RHPN2: variants seen among roughly 807,000 people sequenced by gnomAD.
The protein encoded by RHPN2 is rhophilin-2.
RHPN2 carries 40 observed loss-of-function variants against 79.0 expected under a neutral mutation model. That is an observed-to-expected ratio of 0.51 (90% CI 0.39 to 0.66). The LOEUF (loss-of-function observed/expected upper bound fraction) is 0.66, where lower values mean the gene tolerates loss of function less well. Ranked by LOEUF, RHPN2 falls within the 30% of genes least tolerant of loss-of-function variation. The pLI, the probability that RHPN2 is intolerant of heterozygous loss-of-function variation, is 0.00. For missense variants in RHPN2, 686 were observed against 883.5 expected, an observed-to-expected ratio of 0.78 and a Z score of 2.83; for synonymous variants, 285 against 363.5, an observed-to-expected ratio of 0.78 and a Z score of 2.46.
chr19:33,044,421 G>A (rs1972125918), intron 1 of RHPN2, 57 bp from the exon 2 acceptor site: 1 of 1,070,224 alleles, frequency 9.3e-7, no homozygotes. Context: ...AATGATGACA[G>A]GGTTTAATAT....
chr19:33,047,252 T>A (rs540053081), intron 1 of RHPN2, among the ~76,000 whole-genome samples: 1 of 152,356 alleles, frequency 6.6e-6, no homozygotes, highest in Admixed American at 6.5e-5. Context: ...CAAAAATAGA[T>A]AGCTCATTCT....
At chr19:33,064,417 G>T (rs990991292) in intron 1 of RHPN2, among the ~76,000 whole-genome samples, 5 of 151,978 alleles carry the variant, frequency 3.3e-5, no homozygotes, top group Non-Finnish European at 7.4e-5. Flanking sequence ...GAGGCCAAGG[G>T]CGCCAGCGCA....
chr19:33,064,801 C>A lies in RHPN2; in HGVS notation c.52G>T (p.Asp18Tyr). The A allele has an allele frequency of 1.3e-6, 2 of 1,483,486 alleles. No homozygotes were observed. The highest frequency in any genetic ancestry group is 1.2e-5 in the South Asian group (1 of 81,942). The allele number at this position is 1,483,486 out of a possible 1,614,324, so 91.9% of individuals were successfully genotyped here. The change falls in exon 1 of 15, where the codon GAC becomes TAC. Residue 18 changes from aspartate to tyrosine, a missense_variant. Asp to Tyr is a radical substitution (Grantham distance 160, BLOSUM62 -3). Coordinates refer to ENST00000254260, the MANE Select transcript of RHPN2 (RefSeq NM_033103.5). ...AAPQPLEKEN[D>Y]GYFRKGCNPL... ...CCGCCCACCTTCCGAAAGTAGCCGTCGTTCTCCTTCTCCAGCGGCTGGGGG... is the reference window on the plus strand; with the variant it reads ...CCGCCCACCTTCCGAAAGTAGCCGTAGTTCTCCTTCTCCAGCGGCTGGGGG...
At position 33,012,527 on chromosome 19, in the gene RHPN2, C is replaced by T. The variant is rs962171778; in HGVS notation, c.468+120G>A. On this transcript the variant is annotated intron_variant, in intron 5 of 14. Coordinates refer to ENST00000254260, the MANE Select transcript of RHPN2 (RefSeq NM_033103.5). ...GCAAGTGGAATGGATGATTCCAGCA[C>T]CCCCCAACCATCACCTCTATCCACC... 5.2e-6 allele frequency: 4 copies of T among 772,258 alleles called. No homozygotes were observed. In the East Asian group the frequency reaches 7.4e-5, roughly 14 times the overall value. 47.8% of individuals were successfully genotyped at this position (772,258 alleles called of 1,614,324 possible).
At chr19:33,005,034 A>C (rs1372986466) in intron 7 of RHPN2, among the ~76,000 whole-genome samples, 1 of 151,468 alleles carries the variant, frequency 6.6e-6, no homozygotes, top group Non-Finnish European at 1.5e-5. Flanking sequence ...GGCAGGCAGA[A>C]GGACTAAGGG....
chr19:33,020,374 G>A (rs190688886), intron 4 of RHPN2, among the ~76,000 whole-genome samples: 2 of 148,292 alleles, frequency 1.3e-5, no homozygotes, highest in East Asian at 2.0e-4. Context: ...TGCCCAGGCT[G>A]GAGTGCAGTG....
At position 33,055,743 on chromosome 19, in the gene RHPN2, A is replaced by AC. The variant is rs987250875; in HGVS notation, c.69+9040_69+9041insG. ...AAGGAGCTTCTGGGTTAAAAAAAAA[A>AC]AAAAACAACAACAAACAAAAATTCT... On this transcript the variant is annotated intron_variant, in intron 1 of 14. Transcript: ENST00000254260. Among the ~76,000 whole-genome samples, 16 of 147,728 alleles carry AC rather than the reference A, an allele frequency of 1.1e-4. No individual in the cohort carries two copies. In the East Asian group the frequency reaches 2.2e-3, roughly 20 times the overall value.
chr19:33,040,833 A>G (rs1222041181), intron 2 of RHPN2, among the ~76,000 whole-genome samples: 1 of 152,074 alleles, frequency 6.6e-6, no homozygotes, highest in African/African-American at 2.4e-5. Context: ...ACATGCCTAT[A>G]ATCCCAGCTA....
intron 6 of RHPN2, among the ~76,000 whole-genome samples, chr19:33,010,030 C>T (rs1388579150): frequency 3.9e-5 from 6 of 151,978 alleles, no homozygotes; most frequent in African/African-American, 1.4e-4. Flanking sequence ...CCACCCACCT[C>T]GGCCTCCCAA....
At chr19:33,036,520 T>A (rs1972056850) in intron 2 of RHPN2, among the ~76,000 whole-genome samples, 1 of 152,190 alleles carries the variant, frequency 6.6e-6, no homozygotes, top group African/African-American at 2.4e-5. Flanking sequence ...CTCCTCTGCC[T>A]GGGCTCCCAC....
chr19:33,006,756 C>T (rs576070788), intron 7 of RHPN2, among the ~76,000 whole-genome samples: 233 of 152,344 alleles, frequency 1.5e-3, no homozygotes, highest in African/African-American at 5.4e-3. Flanking sequence ...GACCCCAGTC[C>T]TCTATAGGTG....
intron 2 of RHPN2, among the ~76,000 whole-genome samples, chr19:33,035,995 T>C (rs1232064029): frequency 6.6e-6 from 1 of 151,562 alleles, no homozygotes; most frequent in East Asian, 1.9e-4. Flanking sequence ...TGGGCACCTG[T>C]AGTCCCAGCT....
chr19:33,010,533 G>A (rs545622478), intron 6 of RHPN2, among the ~76,000 whole-genome samples: 1 of 150,314 alleles, frequency 6.7e-6, no homozygotes, highest in Admixed American at 6.7e-5. Flanking sequence ...CAAGGCACGC[G>A]CAACTATGCC....
At chr19:33,019,833 G>C (rs1364630929) in intron 4 of RHPN2, among the ~76,000 whole-genome samples, 1 of 151,966 alleles carries the variant, frequency 6.6e-6, no homozygotes, top group Non-Finnish European at 1.5e-5. Context: ...CATGATACTA[G>C]GATTAATTCC....
intron 2 of RHPN2, among the ~76,000 whole-genome samples, chr19:33,029,062 C>T (rs758350764): frequency 2.0e-4 from 30 of 151,952 alleles, no homozygotes; most frequent in Non-Finnish European, 4.1e-4. Context: ...ATCACTTGAA[C>T]CCGGAAGGCA....
intron 2 of RHPN2, among the ~76,000 whole-genome samples, chr19:33,037,375 CAGG>C (rs1332798108): frequency 6.6e-6 from 1 of 152,192 alleles, no homozygotes; most frequent in Non-Finnish European, 1.5e-5. Context: ...TACCAATCAG[CAGG>C]ATGTGGGTGG....
At chr19:33,020,903 AGT>A (rs1409273400) in intron 4 of RHPN2, among the ~76,000 whole-genome samples, 1 of 152,224 alleles carries the variant, frequency 6.6e-6, no homozygotes, top group East Asian at 1.9e-4. Flanking sequence ...CAATGCTGGC[AGT>A]ATGTTCTTGG....
chr19:33,034,300 G>A (rs554137535), intron 2 of RHPN2, among the ~76,000 whole-genome samples: 5 of 147,636 alleles, frequency 3.4e-5, no homozygotes, highest in South Asian at 2.3e-4. Context: ...GTGAAACCCC[G>A]TCTCTACTAA....
At chr19:33,017,329 G>A (rs111467688) in intron 4 of RHPN2, among the ~76,000 whole-genome samples, 2 of 151,766 alleles carry the variant, frequency 1.3e-5, no homozygotes, top group South Asian at 2.1e-4. Flanking sequence ...AGCTGAGATC[G>A]TGCCATTGGA....
Sources: gnomAD v4.1 joint callset for allele counts (sites outside exome capture counted in the v4.1 genomes callset) on GRCh38, gnomAD v4.1.1 for gene constraint, MANE v1.5 for transcripts, NCBI Gene and HGNC (gene_info 2026-07-23, HGNC 2026-07-21) for gene names.